The following NDFIP2 variants were observed in gnomAD, a reference collection of about 807,000 sequenced individuals.
The protein encoded by NDFIP2 is NEDD4 family-interacting protein 2.
In NDFIP2, 19 loss-of-function variants were observed where a neutral mutation model predicts 36.0. That is an observed-to-expected ratio of 0.53 (90% CI 0.37 to 0.77). NDFIP2 has a LOEUF of 0.77. Among genes scored for constraint, NDFIP2 ranks in the 30% least tolerant of loss-of-function variants. The pLI, the probability that NDFIP2 is intolerant of heterozygous loss-of-function variation, is 0.00. For synonymous variants in NDFIP2, 181 were observed against 167.7 expected (o/e 1.08, Z -0.61); for missense variants, 446 against 435.8 (o/e 1.02, Z -0.21).
chr13:79,510,326 G>A (rs767659660), intron 1 of NDFIP2, among the ~76,000 whole-genome samples: 2 of 150,866 alleles, frequency 1.3e-5, no homozygotes, highest in Non-Finnish European at 2.9e-5. Context: ...TCCACTGACC[G>A]TAGCCTACTC....
In NDFIP2 at chr13:79,520,982, A is replaced by G; in HGVS notation, c.487+7A>G. ...GAAGTACCTACAACTTCAGGTATGA[A>G]ACATCTAGTAATGTTTTTATTAGTT... On this transcript the variant is annotated splice_region_variant and intron_variant, in intron 2 of 7. Coordinates refer to ENST00000218652, the MANE Select transcript of NDFIP2 (RefSeq NM_019080.3). 6.4e-7 allele frequency: 1 copy of G among 1,567,970 alleles called. No individual in the cohort carries two copies. The highest frequency in any genetic ancestry group is 8.6e-7 in the Non-Finnish European group (1 of 1,156,906).
intron 1 of NDFIP2, among the ~76,000 whole-genome samples, chr13:79,489,498 G>A (rs1458210066): frequency 1.3e-5 from 2 of 152,134 alleles, no homozygotes; most frequent in East Asian, 3.9e-4. Context: ...GTCAGTGGGG[G>A]AGAAACTTGC....
chr13:79,482,274 G>A (rs2079819947), intron 1 of NDFIP2, among the ~76,000 whole-genome samples: 1 of 141,096 alleles, frequency 7.1e-6, no homozygotes, highest in Non-Finnish European at 1.5e-5. Context: ...TTAAATACAA[G>A]GTTTTCCAGC....
At chr13:79,548,475 A>G (rs1875773774) in intron 6 of NDFIP2, 81 bp downstream of exon 6, 2 of 1,084,252 alleles carry the variant, frequency 1.8e-6, no homozygotes, top group Non-Finnish European at 1.4e-6. Flanking sequence ...GTTGCAATTT[A>G]TGTGGAAATT....
intron 2 of NDFIP2, among the ~76,000 whole-genome samples, chr13:79,528,775 G>T (rs1180210150): frequency 6.6e-6 from 1 of 152,088 alleles, no homozygotes; most frequent in Non-Finnish European, 1.5e-5. Flanking sequence ...TGAGCAATAG[G>T]CTATATACCA....
chr13:79,529,972 A>G (rs1874948631), intron 2 of NDFIP2, among the ~76,000 whole-genome samples: 1 of 152,170 alleles, frequency 6.6e-6, no homozygotes, highest in Non-Finnish European at 1.5e-5. Flanking sequence ...GTGCAGTAGC[A>G]TTATGTTTAA....
chr13:79,493,009 AC>A (rs1873302768), intron 1 of NDFIP2, among the ~76,000 whole-genome samples: 1 of 151,700 alleles, frequency 6.6e-6, no homozygotes, highest in Non-Finnish European at 1.5e-5. Context: ...CCTGCTCTTT[AC>A]TTTCAAGTTC....
intron 2 of NDFIP2, among the ~76,000 whole-genome samples, chr13:79,524,914 A>T (rs1874733092): frequency 1.3e-5 from 2 of 152,068 alleles, no homozygotes; most frequent in Non-Finnish European, 2.9e-5. Flanking sequence ...TTGTACTTTG[A>T]TAAATGTCAG....
At chr13:79,485,266 C>G (rs553184366) in intron 1 of NDFIP2, among the ~76,000 whole-genome samples, 1 of 152,122 alleles carries the variant, frequency 6.6e-6, no homozygotes. Flanking sequence ...AACTAGTTCA[C>G]CTTCTCCTGG....
chr13:79,488,855 C>A (rs1873118635), intron 1 of NDFIP2, among the ~76,000 whole-genome samples: 1 of 152,118 alleles, frequency 6.6e-6, no homozygotes, highest in South Asian at 2.1e-4. Flanking sequence ...ATAATAAATT[C>A]TATCAATTAT....
At chr13:79,534,071 C>G (rs1297528715) in intron 3 of NDFIP2, among the ~76,000 whole-genome samples, 2 of 152,142 alleles carry the variant, frequency 1.3e-5, no homozygotes, top group African/African-American at 2.4e-5. Context: ...ATGTGTTAGC[C>G]TTCACTTCGC....
chr13:79,534,365 T>TC (rs1299177110), intron 3 of NDFIP2, among the ~76,000 whole-genome samples: 10 of 149,150 alleles, frequency 6.7e-5, no homozygotes, highest in Admixed American at 3.3e-4. Flanking sequence ...TTTTTTTTTT[T>TC]TTTTTTTTGA....
rs755721309 is a variant in NDFIP2, at chr13:79,551,001, A to G, written c.908-16A>G. 2.0e-6 allele frequency: 3 copies of G among 1,486,518 alleles called. No homozygotes were observed. The allele number at this position is 1,486,518 out of a possible 1,614,324, so 92.1% of individuals were successfully genotyped here. A position where few individuals can be genotyped will look rare whatever the true frequency, so the allele number is the denominator to read the frequency against. On this transcript the variant is annotated splice_polypyrimidine_tract_variant and intron_variant, in intron 6 of 7. Coordinates refer to ENST00000218652, the MANE Select transcript of NDFIP2 (RefSeq NM_019080.3). ...TATAAAAACATAGTATATCCATATT[A>G]TTTCAACCTTCTCAGGCCTGCTCCT...
intron 6 of NDFIP2, among the ~76,000 whole-genome samples, chr13:79,550,393 C>T (rs1875857977): frequency 6.6e-6 from 1 of 151,620 alleles, no homozygotes; most frequent in South Asian, 2.1e-4. Flanking sequence ...GAGTGACTGT[C>T]TTCCAAGTTG....
chr13:79,534,147 C>CCACT (rs1875131325), intron 3 of NDFIP2, among the ~76,000 whole-genome samples: 1 of 152,140 alleles, frequency 6.6e-6, no homozygotes, highest in East Asian at 1.9e-4. Context: ...GACCTCAAGT[C>CCACT]CACTGACCTC....
At chr13:79,485,707 C>T (rs1197966555) in intron 1 of NDFIP2, among the ~76,000 whole-genome samples, 1 of 152,186 alleles carries the variant, frequency 6.6e-6, no homozygotes, top group Non-Finnish European at 1.5e-5. Context: ...CTTGATTTCT[C>T]TGTTATACTG....
intron 1 of NDFIP2, among the ~76,000 whole-genome samples, chr13:79,518,321 C>G (rs1478087504): frequency 6.6e-6 from 1 of 152,134 alleles, no homozygotes; most frequent in African/African-American, 2.4e-5. Context: ...TTATGTAAAT[C>G]TTAATGTTAT....
intron 6 of NDFIP2, among the ~76,000 whole-genome samples, chr13:79,549,839 G>T (rs1205007736): frequency 6.6e-6 from 1 of 151,828 alleles, no homozygotes; most frequent in Non-Finnish European, 1.5e-5. Context: ...AATTCAGAAG[G>T]AGTCCCAAAA....
chr13:79,525,401 A>G (rs553830209), intron 2 of NDFIP2, among the ~76,000 whole-genome samples: 1 of 152,204 alleles, frequency 6.6e-6, no homozygotes, highest in Non-Finnish European at 1.5e-5. Context: ...TTTACTGTAG[A>G]TCTTAGCAAC....
Sources: allele counts gnomAD v4.1 joint callset (sites outside exome capture counted in the v4.1 genomes callset), GRCh38; gene constraint gnomAD v4.1.1; transcripts MANE v1.5; gene names NCBI Gene and HGNC (gene_info 2026-07-23, HGNC 2026-07-21).